MYT1L: variants seen among roughly 807,000 people sequenced by gnomAD.
MYT1L encodes the protein myelin transcription factor 1 like.
MYT1L carries 12 observed loss-of-function variants against 126.7 expected under a neutral mutation model. The ratio of observed to expected loss-of-function variants is 0.09; its 90% CI spans 0.06 to 0.15. MYT1L has a LOEUF of 0.15. Ranked by LOEUF, MYT1L falls within the 10% of genes least tolerant of loss-of-function variation. The pLI is 1.00. For missense variants in MYT1L, 979 were observed against 1,585.2 expected (o/e 0.62, Z 6.49); for synonymous variants, 541 against 604.2 (o/e 0.90, Z 1.53).
chr2:2,056,180 G>A (rs1373750783), intron 3 of MYT1L, among the ~76,000 whole-genome samples: 1 of 152,178 alleles, frequency 6.6e-6, no homozygotes, highest in Non-Finnish European at 1.5e-5. Context: ...ATTCCCAGGT[G>A]AAACAGCAAA....
chr2:1,831,702 T>C (rs2040212327), intron 21 of MYT1L, among the ~76,000 whole-genome samples: 1 of 152,262 alleles, frequency 6.6e-6, no homozygotes, highest in African/African-American at 2.4e-5. Flanking sequence ...CAGTATTGTG[T>C]GTGTTCTTTT....
chr2:2,276,307 A>G (rs1244352527), intron 2 of MYT1L, among the ~76,000 whole-genome samples: 1 of 152,188 alleles, frequency 6.6e-6, no homozygotes, highest in Middle Eastern at 3.2e-3. Flanking sequence ...TGAGCAGACC[A>G]GTCCTCGCTC....
At chr2:2,165,786 A>C (rs2088974789) in intron 3 of MYT1L, among the ~76,000 whole-genome samples, 1 of 151,910 alleles carries the variant, frequency 6.6e-6, no homozygotes, top group Non-Finnish European at 1.5e-5. Context: ...TGAAGAAGTA[A>C]ATAAGTAATA....
intron 1 of MYT1L, among the ~76,000 whole-genome samples, chr2:2,312,327 A>G (rs564461937): frequency 6.6e-6 from 1 of 152,200 alleles, no homozygotes; most frequent in South Asian, 2.1e-4. Context: ...ATGCACTTCT[A>G]TGGCCCAGGG....
rs980502028 is a variant in MYT1L, at chr2:1,847,627, G to C, written c.2774+4014C>G. Among the ~76,000 whole-genome samples the C allele has an allele frequency of 2.0e-5, 3 of 152,142 alleles. No homozygotes were observed. The East Asian group carries it at 5.8e-4, about 29-fold the overall frequency. ...TGGGCCTGGGGGGTCGGAAAAAAGA[G>C]CAAAGGGGTCTGGAAAACAGGATTT... On this transcript the variant is annotated intron_variant, in intron 19 of 24. Coordinates refer to ENST00000647738, the MANE Select transcript of MYT1L (RefSeq NM_001303052.2).
intron 2 of MYT1L, among the ~76,000 whole-genome samples, chr2:2,199,287 G>A (rs2148812135): frequency 6.6e-6 from 1 of 152,320 alleles, no homozygotes; most frequent in Middle Eastern, 3.4e-3. Context: ...AATTTCTAAA[G>A]TTAACCAACG....
intron 21 of MYT1L, among the ~76,000 whole-genome samples, chr2:1,822,272 AGG>A (rs1164349188): frequency 6.6e-5 from 10 of 152,150 alleles, no homozygotes. Context: ...GGTTTATAAG[AGG>A]AGAGTGGGTC....
intron 3 of MYT1L, among the ~76,000 whole-genome samples, chr2:2,149,891 T>A (rs2085467146): frequency 6.6e-6 from 1 of 152,234 alleles, no homozygotes; most frequent in Non-Finnish European, 1.5e-5. Context: ...ACTGCATGTG[T>A]GGGATCCTGA....
At chr2:1,915,060 C>T (rs969120154) in intron 11 of MYT1L, among the ~76,000 whole-genome samples, 3 of 152,142 alleles carry the variant, frequency 2.0e-5, no homozygotes, top group African/African-American at 7.2e-5. Context: ...TGCCCATGTC[C>T]TTCTCTCAGC....
intron 2 of MYT1L, among the ~76,000 whole-genome samples, chr2:2,193,232 C>T (rs2148759013): frequency 6.6e-6 from 1 of 152,278 alleles, no homozygotes; most frequent in Non-Finnish European, 1.5e-5. Context: ...CCCACCTTGG[C>T]CTCCCAAAGT....
At chr2:2,170,123 C>T (rs573166368) in intron 3 of MYT1L, among the ~76,000 whole-genome samples, 1 of 152,318 alleles carries the variant, frequency 6.6e-6, no homozygotes, top group African/African-American at 2.4e-5. Context: ...AAAGGGCTTG[C>T]CTGGGAGTAG....
At chr2:2,130,587 A>G (rs2148013729) in intron 3 of MYT1L, among the ~76,000 whole-genome samples, 1 of 152,176 alleles carries the variant, frequency 6.6e-6, no homozygotes, top group South Asian at 2.1e-4. Flanking sequence ...ACCATGGGAT[A>G]CTCTGCTGCT....
At chr2:2,184,369 T>C (rs1296564204) in intron 2 of MYT1L, among the ~76,000 whole-genome samples, 1 of 152,194 alleles carries the variant, frequency 6.6e-6, no homozygotes, top group Non-Finnish European at 1.5e-5. Context: ...AGTGAAAATG[T>C]GCAGCGCCCA....
intron 21 of MYT1L, among the ~76,000 whole-genome samples, chr2:1,820,152 C>A (rs1223939562): frequency 1.3e-5 from 2 of 152,144 alleles, no homozygotes; most frequent in Non-Finnish European, 2.9e-5. Context: ...AGGGCTGGGG[C>A]TTGGTCACCC....
Position 2,228,425 on chromosome 2 carries a change from A to AAAAGC in MYT1L, c.-420-55442_-420-55438dup, listed in dbSNP as rs1205848605. Among the ~76,000 whole-genome samples, 4 of 152,224 alleles carry AAAAGC rather than the reference A, an allele frequency of 2.6e-5. No homozygotes were observed. The highest frequency in any genetic ancestry group is 5.9e-5 in the Non-Finnish European group (4 of 68,032). On this transcript the variant is annotated intron_variant, in intron 2 of 24. Coordinates refer to ENST00000647738, the MANE Select transcript of MYT1L (RefSeq NM_001303052.2). The surrounding 1 kb of genome is among the most constrained non-coding windows in gnomAD (Gnocchi z 5.9). ...ACTGTAGTGAATGAATGTCTTATCC[A>AAAAGC]AAAGCAAACATTTTTTAATACTGTT...
At chr2:2,104,573 C>T (rs987694103) in intron 3 of MYT1L, among the ~76,000 whole-genome samples, 6 of 152,228 alleles carry the variant, frequency 3.9e-5, no homozygotes, top group African/African-American at 1.2e-4. Context: ...AAGGCTGGCT[C>T]GCCAGGGGCC....
Position 2,131,647 on chromosome 2 carries a change from C to T in MYT1L, c.-304+41225G>A, listed in dbSNP as rs146602079. Among the ~76,000 whole-genome samples, 65 of 152,130 alleles carry T rather than the reference C, an allele frequency of 4.3e-4. 1 individual carries two copies. Among genetic ancestry groups the T allele is most frequent in the Middle Eastern group, 3.4e-3 (1 of 294 alleles). ...TGGGGGTGAGGTGGGGCCATGGACA[C>T]AATATATTCATGACAAGCTGTCCCA... On this transcript the variant is annotated intron_variant, in intron 3 of 24. Transcript: ENST00000647738.
intron 3 of MYT1L, among the ~76,000 whole-genome samples, chr2:2,054,905 C>A (rs2069303326): frequency 6.7e-6 from 1 of 148,956 alleles, no homozygotes; most frequent in Admixed American, 6.7e-5. Context: ...TGGTGAGATG[C>A]ATGGAGATTA....
At chr2:1,916,175 T>C (rs890983244) in intron 11 of MYT1L, among the ~76,000 whole-genome samples, 1 of 152,264 alleles carries the variant, frequency 6.6e-6, no homozygotes, top group Non-Finnish European at 1.5e-5. Context: ...TCTAAAGATC[T>C]TTCACTAGAA....
Sources: allele counts gnomAD v4.1 joint callset (sites outside exome capture counted in the v4.1 genomes callset), GRCh38; gene constraint gnomAD v4.1.1; non-coding constraint Gnocchi (gnomAD v3.1); transcripts MANE v1.5; gene names NCBI Gene and HGNC (gene_info 2026-07-23, HGNC 2026-07-21).